Variants in CALN1 observed in about 807,000 individuals in gnomAD.
CALN1 encodes the protein calcium-binding protein 8.
In CALN1, 17 loss-of-function variants were observed where a neutral mutation model predicts 30.6. The ratio of observed to expected loss-of-function variants is 0.56; its 90% confidence interval spans 0.38 to 0.83. The LOEUF is 0.83. CALN1 is among the 40% of genes least tolerant of loss of function. The pLI, the probability that CALN1 is intolerant of heterozygous loss-of-function variation, is 0.00. For missense variants in CALN1, 291 were observed against 354.9 expected (o/e 0.82, Z 1.45); for synonymous variants, 156 against 131.4 (o/e 1.19, Z -1.28).
At chr7:72,471,096 A>C in the CALN1 span, among the ~76,000 whole-genome samples, 1 of 152,294 alleles carries the variant, frequency 6.6e-6, no homozygotes, top group African/African-American at 2.4e-5. Context: ...CTAGAACTAC[A>C]AGCAAGCACC....
intron 3 of CALN1, among the ~76,000 whole-genome samples, chr7:72,250,529 GTCCCC>G: frequency 6.6e-6 from 1 of 152,136 alleles, no homozygotes; most frequent in Non-Finnish European, 1.5e-5. Flanking sequence ...TCAGATGTCT[GTCCCC>G]TCCAAAACTC....
chr7:71,940,332 G>A (rs1031175547), intron 5 of CALN1, among the ~76,000 whole-genome samples: 1 of 152,156 alleles, frequency 6.6e-6, no homozygotes. Context: ...TCAAGTTCAG[G>A]CTGACTTACT....
At chr7:72,320,205 G>A (rs971259152) in intron 2 of CALN1, among the ~76,000 whole-genome samples, 1 of 152,156 alleles carries the variant, frequency 6.6e-6, no homozygotes, top group Admixed American at 6.5e-5. Flanking sequence ...GGCAGAGAGG[G>A]AGGGCCAAGA....
At chr7:72,243,579 T>C (rs140825086) in intron 3 of CALN1, among the ~76,000 whole-genome samples, 2 of 152,094 alleles carry the variant, frequency 1.3e-5, no homozygotes, top group Non-Finnish European at 2.9e-5. Context: ...GAAGAGCACA[T>C]GAACCAGCGC....
chr7:72,040,285 G>T (rs1802044753), intron 4 of CALN1, among the ~76,000 whole-genome samples: 1 of 151,696 alleles, frequency 6.6e-6, no homozygotes, highest in Non-Finnish European at 1.5e-5. Flanking sequence ...GACCTGCCTG[G>T]GCAACATAGT....
At chr7:72,156,333 A>G (rs1787674641) in intron 3 of CALN1, among the ~76,000 whole-genome samples, 1 of 152,234 alleles carries the variant, frequency 6.6e-6, no homozygotes, top group Non-Finnish European at 1.5e-5. Flanking sequence ...CCAGCTGCTC[A>G]GAAAGGACCC....
At chr7:72,147,224 C>A (rs1274259489) in intron 3 of CALN1, among the ~76,000 whole-genome samples, 2 of 152,078 alleles carry the variant, frequency 1.3e-5, no homozygotes, top group Non-Finnish European at 2.9e-5. Context: ...ACTCATCTGA[C>A]AAAGGGCTAA....
chr7:71,872,180 A>G (rs921962310), intron 5 of CALN1, among the ~76,000 whole-genome samples: 5 of 152,248 alleles, frequency 3.3e-5, no homozygotes, highest in Middle Eastern at 3.4e-3. Flanking sequence ...TGCACATTTG[A>G]TCTTCCTGAA....
chr7:72,344,070 A>G (rs1029486828), intron 2 of CALN1, among the ~76,000 whole-genome samples: 17 of 152,114 alleles, frequency 1.1e-4, no homozygotes, highest in Admixed American at 4.6e-4. Flanking sequence ...TTAGAGACAG[A>G]GTCTCACTCT....
intron 4 of CALN1, among the ~76,000 whole-genome samples, chr7:72,066,348 T>C (rs1804020853): frequency 6.6e-6 from 1 of 152,240 alleles, no homozygotes; most frequent in South Asian, 2.1e-4. Flanking sequence ...CACCCAGTCC[T>C]ACTTCTACCT....
At chr7:72,388,205 G>A (rs1431840909) in intron 2 of CALN1, among the ~76,000 whole-genome samples, 1 of 152,080 alleles carries the variant, frequency 6.6e-6, no homozygotes, top group Non-Finnish European at 1.5e-5. Context: ...CCACAAACGT[G>A]TAACATTACA....
intron 2 of CALN1, among the ~76,000 whole-genome samples, chr7:72,391,414 A>T (rs2944840): frequency 0.36 from 54,101 of 152,094 alleles, 11,686 homozygotes; most frequent in Non-Finnish European, 0.49. Flanking sequence ...TCACCCAGCA[A>T]GACACCAGAA....
intron 4 of CALN1, among the ~76,000 whole-genome samples, chr7:72,104,706 C>T (rs553480093): frequency 6.6e-6 from 1 of 152,284 alleles, no homozygotes; most frequent in East Asian, 1.9e-4. Flanking sequence ...CACCCGTAAT[C>T]CCAGCACTTT....
chr7:72,021,657 C>T (rs1800715818), intron 5 of CALN1, among the ~76,000 whole-genome samples: 1 of 152,300 alleles, frequency 6.6e-6, no homozygotes, highest in Admixed American at 6.5e-5. Flanking sequence ...CTCACTCTCC[C>T]CTGATCCTGG....
intron 5 of CALN1, among the ~76,000 whole-genome samples, chr7:71,989,635 C>T (rs73366268): frequency 0.035 from 5,382 of 152,132 alleles, 317 homozygotes; most frequent in African/African-American, 0.12. Flanking sequence ...TTGCACTTTG[C>T]GACAAATCGC....
chr7:72,184,683 A>G (rs547402554), intron 3 of CALN1, among the ~76,000 whole-genome samples: 56 of 152,322 alleles, frequency 3.7e-4, no homozygotes, highest in Admixed American at 1.1e-3. Context: ...TCCATTTTGC[A>G]GGAAAACACT....
chr7:72,432,671 G>A (rs1471438364), intron 1 of CALN1, among the ~76,000 whole-genome samples: 1 of 151,922 alleles, frequency 6.6e-6, no homozygotes, highest in East Asian at 1.9e-4. Flanking sequence ...TCCTGTAATT[G>A]GATACTCATC....
chr7:72,321,676 G>A (rs891521934), intron 2 of CALN1, among the ~76,000 whole-genome samples: 1 of 152,134 alleles, frequency 6.6e-6, no homozygotes, highest in Non-Finnish European at 1.5e-5. Context: ...TGGAGGGAGG[G>A]GACGGAAAAT....
At chr7:72,205,551 A>AATATATATATATATATATATATATATAT (rs1554319583) in intron 3 of CALN1, among the ~76,000 whole-genome samples, 12 of 82,852 alleles carry the variant, frequency 1.4e-4, no homozygotes, top group African/African-American at 2.2e-4. Flanking sequence ...GCAAAAAAAA[A>AATATATATATATATATATATATATATAT]ATATATATAT....
Sources: gnomAD v4.1 joint callset for allele counts (sites outside exome capture counted in the v4.1 genomes callset) on GRCh38, gnomAD v4.1.1 for gene constraint, MANE v1.5 for transcripts, NCBI Gene and HGNC (gene_info 2026-07-23, HGNC 2026-07-21) for gene names.